The following NBAS variants were observed in gnomAD, a reference collection of about 807,000 sequenced individuals.
The protein encoded by NBAS is NAG/BC035112 fusion.
NBAS carries 219 observed loss-of-function variants against 302.5 expected under a neutral mutation model. The observed-to-expected ratio is 0.72, with a 90% CI of 0.65 to 0.81. The LOEUF (loss-of-function observed/expected upper bound fraction) is 0.81, where lower values mean the gene tolerates loss of function less well. Among genes scored for constraint, NBAS ranks in the 30% least tolerant of loss-of-function variants. NBAS has a pLI of 0.00. For synonymous variants in NBAS, 1,118 were observed against 1,021.6 expected (o/e 1.09, Z -1.80); for missense variants, 2,932 against 2,841.6 (o/e 1.03, Z -0.72).
chr2:15,353,519 T>A (rs1362447174), intron 34 of NBAS, 34 bp downstream of exon 34: 2 of 1,613,056 alleles, frequency 1.2e-6, no homozygotes, highest in Non-Finnish European at 1.7e-6. Context: ...ATGGACGTCA[T>A]ACAGGTTAGG....
Position 15,467,721 on chromosome 2 carries a change from T to TTTC in NBAS, c.1960_1961insGAA (p.Asn653_Lys654insArg). 2 of 1,611,180 alleles carry TTTC rather than the reference T, an allele frequency of 1.2e-6. No individual in the cohort carries two copies. Among genetic ancestry groups the TTTC allele is most frequent in the Non-Finnish European group, 1.7e-6 (2 of 1,177,608 alleles). ...TCTCTTCTTGAGCTCCTTTTCCTTT[T>TTTC]TATTCTTGGCAGGCTCTTCATCAGG... On this transcript the variant is annotated inframe_insertion, in exon 18 of 52. Coordinates refer to ENST00000281513, the MANE Select transcript of NBAS (RefSeq NM_015909.4).
chr2:15,330,206 T>C (rs1672259702), intron 36 of NBAS, among the ~76,000 whole-genome samples: 1 of 152,138 alleles, frequency 6.6e-6, no homozygotes, highest in African/African-American at 2.4e-5. Flanking sequence ...CTGACTGACT[T>C]CCAGAATGGA....
chr2:15,505,988 T>C (rs1015228532), intron 10 of NBAS, among the ~76,000 whole-genome samples: 6 of 151,728 alleles, frequency 4.0e-5, no homozygotes, highest in Non-Finnish European at 8.8e-5. Context: ...AAATAAAGAA[T>C]AAATTACAAG....
chr2:15,409,596 T>C (rs1226728880), intron 25 of NBAS, among the ~76,000 whole-genome samples: 1 of 152,240 alleles, frequency 6.6e-6, no homozygotes, highest in Admixed American at 6.5e-5. Flanking sequence ...CAGTTTCAAA[T>C]CTAGAAGTTC....
the NBAS span, among the ~76,000 whole-genome samples, chr2:15,044,333 T>C: frequency 6.6e-6 from 1 of 152,218 alleles, no homozygotes; most frequent in Non-Finnish European, 1.5e-5. Context: ...ACAGCTGACT[T>C]GACAATGAAC....
At chr2:14,848,562 G>C in the NBAS span, among the ~76,000 whole-genome samples, 1 of 140,402 alleles carries the variant, frequency 7.1e-6, no homozygotes, top group Admixed American at 6.7e-5. Context: ...GCTTGAACTG[G>C]GTGGAGCCCA....
chr2:14,876,163 G>T, the NBAS span, among the ~76,000 whole-genome samples: 8 of 152,162 alleles, frequency 5.3e-5, no homozygotes, highest in African/African-American at 1.9e-4. Context: ...CACTGTTGGG[G>T]AGAATGCAGT....
Position 15,504,029 on chromosome 2 carries a change from T to C in NBAS, c.954+116A>G, listed in dbSNP as rs1030782269. On this transcript the variant is annotated intron_variant, in intron 11 of 51. Transcript: ENST00000281513. Reference sequence around the variant, plus strand: ...AATGCATATAGCCACATAGTGTATATGAATACACTCAGATGAAGATACAAA... The same window carrying C: ...AATGCATATAGCCACATAGTGTATACGAATACACTCAGATGAAGATACAAA... 7 of 790,892 alleles carry C rather than the reference T, an allele frequency of 8.9e-6. No homozygotes were observed. The East Asian group carries it at 1.3e-4, about 14-fold the overall frequency. The allele number at this position is 790,892 out of a possible 1,614,324, so 49.0% of individuals were successfully genotyped here.
At chr2:14,865,644 G>A in the NBAS span, among the ~76,000 whole-genome samples, 1 of 152,000 alleles carries the variant, frequency 6.6e-6, no homozygotes, top group Non-Finnish European at 1.5e-5. Context: ...ATATTGTTTT[G>A]TTTTGTTCAT....
chr2:15,510,918 G>C (rs1558400933), intron 10 of NBAS, among the ~76,000 whole-genome samples: 1 of 152,164 alleles, frequency 6.6e-6, no homozygotes, highest in Non-Finnish European at 1.5e-5. Flanking sequence ...ACATTAAAAA[G>C]TGCTTAATAC....
chr2:14,994,930 T>A, the NBAS span, among the ~76,000 whole-genome samples: 1 of 152,116 alleles, frequency 6.6e-6, no homozygotes, highest in Non-Finnish European at 1.5e-5. Context: ...CAAAACCCCA[T>A]CCTTGAAGCC....
the NBAS span, among the ~76,000 whole-genome samples, chr2:15,125,212 G>T: frequency 2.0e-5 from 3 of 152,130 alleles, no homozygotes; most frequent in Non-Finnish European, 4.4e-5. Flanking sequence ...CCTAATTCTG[G>T]GTAATTTATA....
chr2:15,236,849 C>T (rs1193204161), intron 45 of NBAS, among the ~76,000 whole-genome samples: 5 of 152,040 alleles, frequency 3.3e-5, no homozygotes, highest in African/African-American at 1.2e-4. Flanking sequence ...ATTCATTAGA[C>T]AGAAAAATAG....
intron 38 of NBAS, among the ~76,000 whole-genome samples, chr2:15,322,420 A>C (rs1671853917): frequency 6.6e-6 from 1 of 152,016 alleles, no homozygotes; most frequent in Admixed American, 6.6e-5. Flanking sequence ...TAAAATTTTA[A>C]AAAAACAGAA....
chr2:14,851,457 G>A, the NBAS span, among the ~76,000 whole-genome samples: 5 of 150,086 alleles, frequency 3.3e-5, no homozygotes, highest in Admixed American at 6.6e-5. Context: ...CAACCAAAAA[G>A]AGTCCAGGAC....
intron 48 of NBAS, among the ~76,000 whole-genome samples, chr2:15,206,607 A>T (rs1321600869): frequency 1.3e-5 from 2 of 152,238 alleles, no homozygotes; most frequent in Admixed American, 6.5e-5. Flanking sequence ...AAATGGTTCC[A>T]TGGGCCAGGC....
chr2:15,440,298 C>G (rs755061261), intron 21 of NBAS, among the ~76,000 whole-genome samples: 1 of 152,150 alleles, frequency 6.6e-6, no homozygotes, highest in African/African-American at 2.4e-5. Context: ...CCCGGTACTC[C>G]GCTGAGACAA....
At chr2:15,126,033 G>A in the NBAS span, among the ~76,000 whole-genome samples, 7 of 152,292 alleles carry the variant, frequency 4.6e-5, no homozygotes, top group African/African-American at 9.6e-5. Flanking sequence ...TGTGATCTCC[G>A]GTGTTGGAGG....
At chr2:15,460,477 C>G (rs1190712465) in intron 21 of NBAS, among the ~76,000 whole-genome samples, 1 of 152,212 alleles carries the variant, frequency 6.6e-6, no homozygotes, top group Admixed American at 6.5e-5. Flanking sequence ...TATTCAGTAA[C>G]TGACCTAAGC....
Sources: gnomAD v4.1 joint callset for allele counts (sites outside exome capture counted in the v4.1 genomes callset) on GRCh38, gnomAD v4.1.1 for gene constraint, MANE v1.5 for transcripts, NCBI Gene and HGNC (gene_info 2026-07-23, HGNC 2026-07-21) for gene names.